Variants in CACNA2D3 observed in about 807,000 individuals in gnomAD.
The protein encoded by CACNA2D3 is calcium voltage-gated channel auxiliary subunit alpha2delta 3.
In CACNA2D3, 60 loss-of-function variants were observed where a neutral mutation model predicts 160.6. The observed-to-expected ratio is 0.37, with a 90% CI of 0.30 to 0.46. The LOEUF is 0.46. Among genes scored for constraint, CACNA2D3 ranks in the 20% least tolerant of loss-of-function variants. CACNA2D3 has a pLI of 1.00. For synonymous variants in CACNA2D3, 558 were observed against 492.9 expected (o/e 1.13, Z -1.75); for missense variants, 1,205 against 1,365.0 (o/e 0.88, Z 1.85).
intron 12 of CACNA2D3, among the ~76,000 whole-genome samples, chr3:54,755,873 T>A (rs1575459559): frequency 6.6e-6 from 1 of 152,330 alleles, no homozygotes; most frequent in East Asian, 1.9e-4. Flanking sequence ...AATTCTTCCA[T>A]CAGCTAGTAT....
intron 11 of CACNA2D3, among the ~76,000 whole-genome samples, chr3:54,713,208 T>G (rs2106967721): frequency 6.6e-6 from 1 of 152,338 alleles, no homozygotes; most frequent in South Asian, 2.1e-4. Context: ...CATCTGATGC[T>G]ACTTTGCTCA....
At chr3:54,275,815 A>G (rs913482269) in intron 2 of CACNA2D3, among the ~76,000 whole-genome samples, 7 of 152,036 alleles carry the variant, frequency 4.6e-5, no homozygotes, top group African/African-American at 1.7e-4. Flanking sequence ...ATGAGGTTTC[A>G]TCATATTGGC....
intron 27 of CACNA2D3, among the ~76,000 whole-genome samples, chr3:54,922,122 G>A (rs753646789): frequency 6.6e-6 from 1 of 152,080 alleles, no homozygotes; most frequent in Admixed American, 6.5e-5. Flanking sequence ...TTGTGACGGC[G>A]TGTTGAAATG....
chr3:54,902,640 G>C (rs1700360883), intron 27 of CACNA2D3, among the ~76,000 whole-genome samples: 1 of 152,226 alleles, frequency 6.6e-6, no homozygotes, highest in African/African-American at 2.4e-5. Flanking sequence ...CTTCTGTTGT[G>C]TCAGGTCCCT....
intron 13 of CACNA2D3, among the ~76,000 whole-genome samples, chr3:54,814,339 G>A (rs1703402181): frequency 6.6e-6 from 1 of 152,164 alleles, no homozygotes; most frequent in Non-Finnish European, 1.5e-5. Flanking sequence ...CACTTTACAG[G>A]CAAGCACACT....
chr3:54,973,519 T>G (rs2107079531), intron 29 of CACNA2D3, among the ~76,000 whole-genome samples: 1 of 152,296 alleles, frequency 6.6e-6, no homozygotes. Context: ...TAATAACCCT[T>G]ATTAAAAATC....
intron 17 of CACNA2D3, among the ~76,000 whole-genome samples, chr3:54,869,182 T>G (rs987941490): frequency 6.6e-6 from 1 of 152,214 alleles, no homozygotes; most frequent in African/African-American, 2.4e-5. Context: ...TTCAAAGCTC[T>G]TTAACAGTGG....
At chr3:54,166,641 A>G (rs1187727413) in intron 2 of CACNA2D3, among the ~76,000 whole-genome samples, 1 of 152,230 alleles carries the variant, frequency 6.6e-6, no homozygotes, top group African/African-American at 2.4e-5. Context: ...CAATCATCTT[A>G]GTTAAAAAGG....
chr3:54,652,108 G>A (rs1215930801), intron 11 of CACNA2D3, among the ~76,000 whole-genome samples: 1 of 152,132 alleles, frequency 6.6e-6, no homozygotes, highest in East Asian at 1.9e-4. Flanking sequence ...GCCCAGAGAA[G>A]CCTCACAAAA....
intron 4 of CACNA2D3, among the ~76,000 whole-genome samples, chr3:54,456,987 T>A (rs369043381): frequency 9.3e-4 from 142 of 152,026 alleles, no homozygotes; most frequent in Middle Eastern, 3.4e-3. Flanking sequence ...TCTTTTTTTT[T>A]AATTAGTCTA....
At chr3:54,739,751 A>ATGTGTGTGTGTGTGTG (rs5849058) in intron 11 of CACNA2D3, among the ~76,000 whole-genome samples, 23 of 145,958 alleles carry the variant, frequency 1.6e-4, no homozygotes, top group Middle Eastern at 3.4e-3. Flanking sequence ...CTCCTCATAT[A>ATGTGTGTGTGTGTGTG]TGTGTGTGTG....
chr3:54,832,011 T>TCATACACACACACACACACACACACA (rs373556430), intron 14 of CACNA2D3, among the ~76,000 whole-genome samples: 1 of 118,862 alleles, frequency 8.4e-6, no homozygotes, highest in Non-Finnish European at 1.7e-5. Flanking sequence ...CTCTTCTCTG[T>TCATACACACACACACACACACACACA]CACACACACA....
intron 12 of CACNA2D3, among the ~76,000 whole-genome samples, chr3:54,753,293 C>T (rs1701902595): frequency 6.6e-6 from 1 of 152,222 alleles, no homozygotes; most frequent in Admixed American, 6.5e-5. Context: ...GCTCTCTCAT[C>T]ATTCCTAGCC....
chr3:54,414,834 C>G (rs1699728851), intron 4 of CACNA2D3, among the ~76,000 whole-genome samples: 1 of 147,816 alleles, frequency 6.8e-6, no homozygotes, highest in Non-Finnish European at 1.5e-5. Context: ...TGGGCTTTCT[C>G]AGAGCCTGGG....
intron 11 of CACNA2D3, among the ~76,000 whole-genome samples, chr3:54,648,266 G>A (rs1278882604): frequency 6.6e-6 from 1 of 152,196 alleles, no homozygotes; most frequent in African/African-American, 2.4e-5. Flanking sequence ...GTATTTCATG[G>A]CATGAGAACA....
At chr3:54,825,729 C>G (rs1703735058) in intron 14 of CACNA2D3, among the ~76,000 whole-genome samples, 1 of 152,144 alleles carries the variant, frequency 6.6e-6, no homozygotes, top group African/African-American at 2.4e-5. Flanking sequence ...AAAGATGACA[C>G]AAGAACACCA....
intron 4 of CACNA2D3, among the ~76,000 whole-genome samples, chr3:54,406,036 A>G (rs1699569774): frequency 6.6e-6 from 1 of 152,142 alleles, no homozygotes; most frequent in African/African-American, 2.4e-5. Flanking sequence ...TGTCAAAAAG[A>G]CAAAAAGACA....
In CACNA2D3 at chr3:54,540,737, T is replaced by C. The variant is rs530537504; in HGVS notation, c.545-22063T>C. The stretch of plus-strand genomic sequence containing the variant: ...TTTTTTAAAGGCACTAATTTCATCA[T>C]GAGTGTTCCCTCTCATGATTTAATT... On this transcript the variant is annotated intron_variant, in intron 5 of 37. Coordinates refer to ENST00000474759, the MANE Select transcript of CACNA2D3 (RefSeq NM_018398.3). Among the ~76,000 whole-genome samples the C allele has an allele frequency of 7.9e-5, 12 of 152,256 alleles. No individual in the cohort carries two copies. The South Asian group carries it at 2.5e-3, about 32-fold the overall frequency.
At chr3:54,228,451 G>T (rs1701712358) in intron 2 of CACNA2D3, among the ~76,000 whole-genome samples, 1 of 152,162 alleles carries the variant, frequency 6.6e-6, no homozygotes. Flanking sequence ...ACCACTAACT[G>T]GTGCTAAAAA....
Sources: allele counts gnomAD v4.1 joint callset (sites outside exome capture counted in the v4.1 genomes callset), GRCh38; gene constraint gnomAD v4.1.1; transcripts MANE v1.5; gene names NCBI Gene and HGNC (gene_info 2026-07-23, HGNC 2026-07-21).